Variants in TMEM47 observed in about 807,000 individuals in gnomAD.
TMEM47 encodes transmembrane protein 47, also known as brain cell membrane protein 1.
A neutral mutation model predicts 12.4 loss-of-function variants in TMEM47; 3 were observed. That is an observed-to-expected ratio of 0.24 (90% CI 0.11 to 0.63). TMEM47 has a LOEUF of 0.63. TMEM47 is among the 20% of genes least tolerant of loss of function. The pLI, the probability that TMEM47 is intolerant of heterozygous loss-of-function variation, is 0.86. For missense variants in TMEM47, 89 were observed against 143.8 expected, an observed-to-expected ratio of 0.62 and a Z score of 1.95; for synonymous variants, 62 against 63.3, an observed-to-expected ratio of 0.98 and a Z score of 0.10.
intron 1 of TMEM47, among the ~76,000 whole-genome samples, chrX:34,650,364 T>C (rs372765996): frequency 4.2e-4 from 47 of 112,009 alleles, no homozygotes; most frequent in East Asian, 1.7e-3. Context: ...CCAAAAATAC[T>C]ATGGCAAAAT....
Position 34,657,203 on chromosome X carries a change from G to A in TMEM47, c.-174C>T. 1.3e-6 allele frequency: 1 copy of A among 745,666 alleles called. No homozygotes were observed. Among genetic ancestry groups the A allele is most frequent in the Non-Finnish European group, 1.7e-6 (1 of 582,807 alleles). The allele number at this position is 745,666 out of a possible 1,213,427, so 61.5% of individuals were successfully genotyped here. A position where few individuals can be genotyped will look rare whatever the true frequency, so the allele number is the denominator to read the frequency against. Reference sequence around the variant, plus strand: ...GCGGCCAAGGTGGGTCTGCGGAGGCGGCCGGCCGGGTGTGGGTCGTCGGCA... The same window carrying A: ...GCGGCCAAGGTGGGTCTGCGGAGGCAGCCGGCCGGGTGTGGGTCGTCGGCA... On this transcript the variant is annotated 5_prime_UTR_variant, in exon 1 of 3. Coordinates refer to ENST00000275954, the MANE Select transcript of TMEM47 (RefSeq NM_031442.4).
At chrX:34,652,939 T>C (rs1335240994) in intron 1 of TMEM47, among the ~76,000 whole-genome samples, 1 of 112,296 alleles carries the variant, frequency 8.9e-6, no homozygotes, top group Non-Finnish European at 1.9e-5. Context: ...AAGCTGAACC[T>C]TCCCCGGAGC....
At chrX:34,645,624 A>G (rs989713668) in intron 1 of TMEM47, among the ~76,000 whole-genome samples, 13 of 111,955 alleles carry the variant, frequency 1.2e-4, no homozygotes, top group Non-Finnish European at 2.3e-4. Context: ...TCAATACTGC[A>G]TTAATTTTCC....
At chrX:34,638,259 A>G (rs1357130941) in intron 2 of TMEM47, among the ~76,000 whole-genome samples, 1 of 111,659 alleles carries the variant, frequency 9.0e-6, no homozygotes, top group Non-Finnish European at 1.9e-5. Context: ...AATTAGATGT[A>G]CTTCTGGATT....
intron 1 of TMEM47, among the ~76,000 whole-genome samples, chrX:34,647,552 T>C (rs1287122786): frequency 1.8e-5 from 2 of 111,551 alleles, no homozygotes; most frequent in African/African-American, 6.5e-5. Flanking sequence ...GTCTTCAGTG[T>C]CCATGATTAG....
chrX:34,639,248 T>C lies in TMEM47; in HGVS notation c.366A>G (p.Ala122=). The change falls in exon 2 of 3, where the codon GCA becomes GCG. Residue 122 remains alanine, a splice_region_variant and synonymous_variant. Transcript: ENST00000275954. ...TTTGAAAGTAATGAATCTGTTTACC[T>C]GCTGCAAAAAGCATGACCGCAACAG... is the stretch of plus-strand genomic sequence containing the variant. ...YRPVAVMLFA[A]VVLQVCSLVL... The C allele has an allele frequency of 1.7e-6, 2 of 1,186,528 alleles. No individual in the cohort carries two copies. The highest frequency in any genetic ancestry group is 2.3e-6 in the Non-Finnish European group (2 of 882,347).
At position 34,653,643 on chromosome X, in the gene TMEM47, T is replaced by C. The variant is rs753925764; in HGVS notation, c.226+3161A>G. On this transcript the variant is annotated intron_variant, in intron 1 of 2. Coordinates refer to ENST00000275954, the MANE Select transcript of TMEM47 (RefSeq NM_031442.4). Reference sequence around the variant, plus strand: ...CTATTTACACTAAGGATTCTTGTAATTGCTGTGAAATCCTAGCAACTATAT... The same window carrying C: ...CTATTTACACTAAGGATTCTTGTAACTGCTGTGAAATCCTAGCAACTATAT... Among the ~76,000 whole-genome samples the C allele has an allele frequency of 3.6e-4, 40 of 112,046 alleles. 3 individuals carry two copies. Among genetic ancestry groups the C allele is most frequent in the Admixed American group, 2.4e-3 (25 of 10,536 alleles).
chrX:34,629,188 ACT>A lies in TMEM47; in HGVS notation c.*1123_*1124del, dbSNP rs1158680475. 2 of 111,550 alleles carry A rather than the reference ACT, an allele frequency of 1.8e-5. No homozygotes were observed. Among genetic ancestry groups the A allele is most frequent in the African/African-American group, 6.5e-5 (2 of 30,687 alleles). The allele number at this position is 111,550 out of a possible 1,213,427, so 9.2% of individuals were successfully genotyped here. ...ACACAAAATGATCATCCTAATTGCT[ACT>A]CTCTTTTCAACTACAGTGCTTACAG... On this transcript the variant is annotated 3_prime_UTR_variant, in exon 3 of 3. Transcript: ENST00000275954.
At chrX:34,637,588 C>A (rs964080454) in intron 2 of TMEM47, among the ~76,000 whole-genome samples, 7 of 110,567 alleles carry the variant, frequency 6.3e-5, no homozygotes, top group African/African-American at 2.3e-4. Context: ...CCTAAGACCC[C>A]AAAAGAGAAA....
chrX:34,629,996 C>A lies in TMEM47; in HGVS notation c.*317G>T, dbSNP rs1161770690. On this transcript the variant is annotated 3_prime_UTR_variant, in exon 3 of 3. Transcript: ENST00000275954. ...CCCTGCAGGCAATAGGAGATTGAGG[C>A]AAATCTCATTCCAACTAGTTTCTCA... The A allele has an allele frequency of 1.8e-5, 3 of 167,376 alleles. No homozygotes were observed. The East Asian group carries it at 3.7e-4, about 20-fold the overall frequency. The allele number at this position is 167,376 out of a possible 1,213,427, so 13.8% of individuals were successfully genotyped here. A position where few individuals can be genotyped will look rare whatever the true frequency, so the allele number is the denominator to read the frequency against.
At chrX:34,642,502 T>C (rs1486520016) in intron 1 of TMEM47, among the ~76,000 whole-genome samples, 1 of 111,891 alleles carries the variant, frequency 8.9e-6, no homozygotes, top group Non-Finnish European at 1.9e-5. Context: ...GACTAGAACC[T>C]AATTAGAAAA....
intron 2 of TMEM47, among the ~76,000 whole-genome samples, chrX:34,632,249 A>AAAG (rs1295663956): frequency 8.9e-6 from 1 of 112,181 alleles, no homozygotes; most frequent in Non-Finnish European, 1.9e-5. Context: ...TAATTAAAGA[A>AAAG]AAGGAGGGAA....
chrX:34,634,818 A>T (rs1355262090), intron 2 of TMEM47, among the ~76,000 whole-genome samples: 1 of 112,047 alleles, frequency 8.9e-6, no homozygotes, highest in Admixed American at 9.4e-5. Context: ...GCTTACAGCT[A>T]TTAAGAGAGT....
At chrX:34,645,540 G>A (rs1377939990) in intron 1 of TMEM47, among the ~76,000 whole-genome samples, 2 of 111,430 alleles carry the variant, frequency 1.8e-5, no homozygotes, top group East Asian at 5.6e-4. Flanking sequence ...TGCTAATGAG[G>A]TGGAAAACTG....
chrX:34,636,898 G>A (rs1438247511), intron 2 of TMEM47, among the ~76,000 whole-genome samples: 1 of 111,766 alleles, frequency 8.9e-6, no homozygotes, highest in African/African-American at 3.3e-5. Context: ...TATGTGATAT[G>A]TACTGAAGTA....
At chrX:34,646,157 A>C (rs1921907209) in intron 1 of TMEM47, among the ~76,000 whole-genome samples, 1 of 111,757 alleles carries the variant, frequency 8.9e-6, no homozygotes, top group Non-Finnish European at 1.9e-5. Context: ...TAACAATGTC[A>C]ATTTCATTCA....
intron 1 of TMEM47, among the ~76,000 whole-genome samples, chrX:34,654,605 G>T (rs1922071990): frequency 9.0e-6 from 1 of 111,662 alleles, no homozygotes; most frequent in Non-Finnish European, 1.9e-5. Context: ...ATTTTGTAAA[G>T]TGGGGACACA....
intron 1 of TMEM47, among the ~76,000 whole-genome samples, chrX:34,652,659 C>T (rs1017549694): frequency 7.2e-5 from 8 of 111,466 alleles, no homozygotes; most frequent in African/African-American, 2.6e-4. Context: ...TCTAAGGAAC[C>T]TGAAAATCTA....
rs1921761913 is a variant in TMEM47 at position 34,638,691 on chromosome X, C to T, written c.367+556G>A. Among the ~76,000 whole-genome samples, 4 of 111,944 alleles carry T rather than the reference C, an allele frequency of 3.6e-5. No homozygotes were observed. The South Asian group carries it at 1.1e-3, about 31-fold the overall frequency. On this transcript the variant is annotated intron_variant, in intron 2 of 2. Coordinates refer to ENST00000275954, the MANE Select transcript of TMEM47 (RefSeq NM_031442.4). The stretch of plus-strand genomic sequence containing the variant: ...TGCAAGCCCCTTTTCTAAACAGTCC[C>T]GTCTTTTCATTTCATTGGTTGATAT...
Sources: allele counts gnomAD v4.1 joint callset (sites outside exome capture counted in the v4.1 genomes callset), GRCh38; gene constraint gnomAD v4.1.1; transcripts MANE v1.5; gene names NCBI Gene and HGNC (gene_info 2026-07-23, HGNC 2026-07-21).